Variants in ESYT2 observed in about 807,000 individuals in gnomAD.
ESYT2 encodes the protein extended synaptotagmin-2.
Under a neutral mutation model 107.2 loss-of-function variants are expected in ESYT2, and 54 were observed. The observed-to-expected ratio is 0.50, with a 90% CI of 0.40 to 0.63. The LOEUF (loss-of-function observed/expected upper bound fraction) is 0.63, where lower values mean the gene tolerates loss of function less well. Among genes scored for constraint, ESYT2 ranks in the 30% least tolerant of loss-of-function variants. ESYT2 has a pLI of 0.00. For synonymous variants in ESYT2, 491 were observed against 434.1 expected, an observed-to-expected ratio of 1.13 and a Z score of -1.63; for missense variants, 1,020 against 1,094.5, an observed-to-expected ratio of 0.93 and a Z score of 0.96.
At chr7:158,795,638 GC>G (rs1839435460) in intron 3 of ESYT2, among the ~76,000 whole-genome samples, 1 of 152,210 alleles carries the variant, frequency 6.6e-6, no homozygotes, top group Non-Finnish European at 1.5e-5. Flanking sequence ...AGAGCATGCA[GC>G]CCCTGCTTTA....
intron 13 of ESYT2, among the ~76,000 whole-genome samples, chr7:158,758,720 AAT>A (rs1837853653): frequency 2.0e-5 from 3 of 152,204 alleles, no homozygotes; most frequent in African/African-American, 7.2e-5. Context: ...GGCACTCTAA[AAT>A]CATCAAACAA....
intron 1 of ESYT2, among the ~76,000 whole-genome samples, chr7:158,818,544 C>T (rs1563041051): frequency 6.6e-6 from 1 of 152,204 alleles, no homozygotes; most frequent in Non-Finnish European, 1.5e-5. Context: ...AGGGAGGTGG[C>T]AAAGGCCACA....
In ESYT2 at chr7:158,736,198, C is replaced by T. The variant is rs144036896; in HGVS notation, c.2400-590G>A. Among the ~76,000 whole-genome samples the T allele has an allele frequency of 4.8e-3, 720 of 151,500 alleles. 10 individuals carry two copies. Among genetic ancestry groups the T allele is most frequent in the African/African-American group, 0.016 (650 of 41,146 alleles). On this transcript the variant is annotated intron_variant, in intron 20 of 22. Transcript: ENST00000275418. ...GGAGTCTCCAGACGCTTAAATGCCT[C>T]GGATGGGTAGGAGCACCCTGCACAA...
intron 1 of ESYT2, among the ~76,000 whole-genome samples, chr7:158,800,734 C>CT (rs1235340586): frequency 0.017 from 2,042 of 117,282 alleles, 146 homozygotes; most frequent in Admixed American, 0.12. Context: ...CTTTTCTTTT[C>CT]TTTTTTTTTT....
chr7:158,762,409 ACT>A (rs1397089589), intron 10 of ESYT2, among the ~76,000 whole-genome samples: 1 of 151,960 alleles, frequency 6.6e-6, no homozygotes, highest in African/African-American at 2.4e-5. Flanking sequence ...AGTCTCATGA[ACT>A]CTCAAGTCAG....
At chr7:158,752,477 C>T (rs115625067) in intron 14 of ESYT2, among the ~76,000 whole-genome samples, 1 of 152,204 alleles carries the variant, frequency 6.6e-6, no homozygotes, top group East Asian at 1.9e-4. Context: ...ACGTCTATAT[C>T]ACAATTTTCA....
chr7:158,824,882 T>G lies in ESYT2; in HGVS notation c.330+4207A>C, dbSNP rs575611215. Among the ~76,000 whole-genome samples the G allele has an allele frequency of 3.3e-5, 5 of 152,320 alleles. No homozygotes were observed. The South Asian group carries it at 1.0e-3, about 32-fold the overall frequency. On this transcript the variant is annotated intron_variant, in intron 1 of 22. Coordinates refer to ENST00000275418, the MANE Select transcript of ESYT2 (RefSeq NM_001367773.1). ...ATCTTCCTCACAGCCCTGAGCATGG[T>G]GGCATGCAACTGTAATCCCAGCTAC...
chr7:158,782,485 G>GT (rs1563651214), intron 6 of ESYT2, among the ~76,000 whole-genome samples: 31 of 142,504 alleles, frequency 2.2e-4, no homozygotes, highest in African/African-American at 2.8e-4. Flanking sequence ...AACAGTGAGA[G>GT]GTGTGTGTGA....
intron 1 of ESYT2, among the ~76,000 whole-genome samples, chr7:158,811,174 AAAAATT>A (rs1442820388): frequency 3.9e-5 from 6 of 152,080 alleles, no homozygotes; most frequent in Admixed American, 1.3e-4. Context: ...ATAAAAAATA[AAAAATT>A]AAAATTAAGA....
At position 158,748,219 on chromosome 7, in the gene ESYT2, G is replaced by C; in HGVS notation, c.1619C>G (p.Pro540Arg). Residue 540 changes from proline (P) to arginine (R), a missense_variant, in exon 16 of 23, where the codon CCC becomes CGC. Coordinates refer to ENST00000275418, the MANE Select transcript of ESYT2 (RefSeq NM_001367773.1). Reference sequence around the variant, plus strand: ...CTCAACTTCAAGGTCCTGGCGCTTGGGATTGTGAATGAAGAAAGTGAAGTT... The same window carrying C: ...CTCAACTTCAAGGTCCTGGCGCTTGCGATTGTGAATGAAGAAAGTGAAGTT... Reference protein sequence around the residue: ...EENFTFFIHNPKRQDLEVEVR... With the variant: ...EENFTFFIHNRKRQDLEVEVR... 2 of 1,614,084 alleles carry C rather than the reference G, an allele frequency of 1.2e-6. No individual in the cohort carries two copies. Among genetic ancestry groups the C allele is most frequent in the Non-Finnish European group, 1.7e-6 (2 of 1,179,996 alleles).
rs374804787 is a variant in ESYT2, at chr7:158,764,807, T to A, written c.971A>T (p.Lys324Ile). 2.9e-5 allele frequency: 47 copies of A among 1,614,042 alleles called. No individual in the cohort carries two copies. Among genetic ancestry groups the A allele is most frequent in the Non-Finnish European group, 3.6e-5 (42 of 1,180,026 alleles). The change falls in exon 9 of 23, where the codon AAA (lysine) becomes ATA (isoleucine). Residue 324 changes from lysine (K) to isoleucine (I), a missense_variant. Transcript: ENST00000275418. ...HFIEAQDLQG[K>I]DTYLKGLVKG... ...GACAAGTCCCTTAAGGTAAGTGTCTTTCCCCTGAAGATCCTGAGCTTCAAT... is the reference window on the plus strand; with the variant it reads ...GACAAGTCCCTTAAGGTAAGTGTCTATCCCCTGAAGATCCTGAGCTTCAAT...
At chr7:158,769,008 A>G (rs556098460) in intron 7 of ESYT2, among the ~76,000 whole-genome samples, 1 of 152,354 alleles carries the variant, frequency 6.6e-6, no homozygotes, top group South Asian at 2.1e-4. Flanking sequence ...TGAATTGTGA[A>G]GTTGCGAAAG....
chr7:158,807,075 C>A (rs1584874924), intron 1 of ESYT2, among the ~76,000 whole-genome samples: 2 of 151,234 alleles, frequency 1.3e-5, no homozygotes, highest in South Asian at 2.1e-4. Flanking sequence ...TTATTTGAAA[C>A]CCCGTCTCTA....
At chr7:158,806,218 C>T (rs1478078523) in intron 1 of ESYT2, among the ~76,000 whole-genome samples, 2 of 151,796 alleles carry the variant, frequency 1.3e-5, no homozygotes, top group African/African-American at 4.8e-5. Context: ...GTTTGCAACA[C>T]TTCATCACTA....
intron 1 of ESYT2, among the ~76,000 whole-genome samples, chr7:158,818,557 A>C (rs1271389597): frequency 6.6e-6 from 1 of 152,236 alleles, no homozygotes; most frequent in African/African-American, 2.4e-5. Flanking sequence ...AGGCCACACC[A>C]GGACTTGCCT....
intron 6 of ESYT2, among the ~76,000 whole-genome samples, chr7:158,780,976 CTA>C (rs1237731854): frequency 2.6e-5 from 4 of 151,970 alleles, no homozygotes; most frequent in Admixed American, 2.6e-4. Flanking sequence ...CTGTGTAAAT[CTA>C]TGTGAGAAAG....
intron 6 of ESYT2, among the ~76,000 whole-genome samples, chr7:158,781,304 A>T (rs1446909917): frequency 5.0e-5 from 6 of 119,166 alleles, no homozygotes; most frequent in African/African-American, 6.1e-5. Flanking sequence ...GCGGTGTGTG[A>T]GAACAACTGT....
chr7:158,734,213 C>T lies in ESYT2; in HGVS notation c.2595G>A (p.Met865Ile). 6.2e-7 allele frequency: 1 copy of T among 1,614,122 alleles called. No individual in the cohort carries two copies. Among genetic ancestry groups the T allele is most frequent in the Non-Finnish European group, 8.5e-7 (1 of 1,180,038 alleles). The change falls in exon 23 of 23, where the codon ATG (methionine) becomes ATA (isoleucine). Residue 865 changes from methionine (M) to isoleucine (I), a missense_variant. Physicochemically the swap from Met to Ile is conservative, Grantham distance 10. Coordinates refer to ENST00000275418, the MANE Select transcript of ESYT2 (RefSeq NM_001367773.1). ...CGCCTCCTGCCTGCTGCGGCTATGT[C>T]ATCGCCTGAGGCCTCGTCCCATCTT... ...LTEDGTRPQA[M>I]T
chr7:158,825,103 G>A (rs1840400740), intron 1 of ESYT2, among the ~76,000 whole-genome samples: 1 of 152,160 alleles, frequency 6.6e-6, no homozygotes. Flanking sequence ...GACCAGCCTG[G>A]CCAACATGGT....
Sources: gnomAD v4.1 joint callset for allele counts (sites outside exome capture counted in the v4.1 genomes callset) on GRCh38, gnomAD v4.1.1 for gene constraint, MANE v1.5 for transcripts, NCBI Gene and HGNC (gene_info 2026-07-23, HGNC 2026-07-21) for gene names.